The following MAP3K7 variants were observed in gnomAD, a reference collection of about 807,000 sequenced individuals.
MAP3K7 encodes mitogen-activated protein kinase kinase kinase 7.
MAP3K7 carries 21 observed loss-of-function variants against 84.8 expected under a neutral mutation model. The observed-to-expected ratio is 0.25, with a 90% CI of 0.18 to 0.36. The LOEUF (loss-of-function observed/expected upper bound fraction) is 0.36. MAP3K7 is among the 10% of genes least tolerant of loss of function. The pLI is 1.00. For synonymous variants in MAP3K7, 241 were observed against 247.7 expected, an observed-to-expected ratio of 0.97 and a Z score of 0.25; for missense variants, 503 against 747.7, an observed-to-expected ratio of 0.67 and a Z score of 3.82.
chr6:90,567,910 G>C (rs1776764738), intron 3 of MAP3K7, among the ~76,000 whole-genome samples: 1 of 152,188 alleles, frequency 6.6e-6, no homozygotes, highest in Non-Finnish European at 1.5e-5. Context: ...CATGTCCTTT[G>C]TAGGGACATG....
rs1457817469 is a variant in MAP3K7, at chr6:90,516,620, C to G, written c.1702G>C (p.Val568Leu). ...EKDQQNTSRLVQEHKKLLDEN... is the reference protein window; with the variant it reads ...EKDQQNTSRLLQEHKKLLDEN... ...TCTAAAAGCTTTTTATGTTCCTGTACCAGGCGAGATGTATTTTGCTGGTCC... is the reference window on the plus strand; with the variant it reads ...TCTAAAAGCTTTTTATGTTCCTGTAGCAGGCGAGATGTATTTTGCTGGTCC... The change falls in exon 17 of 17, where the codon GTA (valine) becomes CTA (leucine). Residue 568 changes from valine to leucine, a missense_variant. By Grantham distance (32) the Val-to-Leu change is conservative. Transcript: ENST00000369329. 6.2e-7 allele frequency: 1 copy of G among 1,611,828 alleles called. No individual in the cohort carries two copies.
At chr6:90,533,385 G>T (rs1355224776) in intron 13 of MAP3K7, among the ~76,000 whole-genome samples, 3 of 152,170 alleles carry the variant, frequency 2.0e-5, no homozygotes, top group Non-Finnish European at 4.4e-5. Context: ...GCAGCATGGG[G>T]TGTCTCAGTA....
intron 12 of MAP3K7, chr6:90,542,655 T>A (rs1267380962): frequency 6.1e-6 from 1 of 163,702 alleles, no homozygotes; most frequent in Non-Finnish European, 1.3e-5. Flanking sequence ...GAAAAACCAC[T>A]AAACATCATC....
intron 3 of MAP3K7, among the ~76,000 whole-genome samples, chr6:90,568,342 C>T (rs992000214): frequency 3.9e-5 from 6 of 152,120 alleles, no homozygotes; most frequent in Middle Eastern, 3.4e-3. Context: ...ACATATTGTG[C>T]GTGTATAATA....
Position 90,545,814 on chromosome 6 carries a change from G to C in MAP3K7, c.1211-1182C>G, listed in dbSNP as rs1775984116. On this transcript the variant is annotated intron_variant, in intron 11 of 16. Coordinates refer to ENST00000369329, the MANE Select transcript of MAP3K7 (RefSeq NM_145331.3). ...AGAGGGCAGATCTCCTCTTCCCTTG[G>C]AGCTACGTGTAGCCATTCGACCATG... 2.0e-5 allele frequency among the ~76,000 whole-genome samples: 3 copies of C among 152,104 alleles called. No homozygotes were observed. The South Asian group carries it at 6.2e-4, about 32-fold the overall frequency.
At chr6:90,542,110 G>T in intron 12 of MAP3K7, 1 of 385,382 alleles carries the variant, frequency 2.6e-6, no homozygotes, top group Non-Finnish European at 3.5e-6. Context: ...AATCCACTTA[G>T]AACAAAACAA....
chr6:90,564,043 T>A (rs1346786845), intron 3 of MAP3K7, among the ~76,000 whole-genome samples: 1 of 152,194 alleles, frequency 6.6e-6, no homozygotes, highest in Non-Finnish European at 1.5e-5. Flanking sequence ...CTACCAGGCC[T>A]GCTGAACAAG....
intron 5 of MAP3K7, among the ~76,000 whole-genome samples, chr6:90,559,789 T>C (rs894526225): frequency 3.3e-5 from 5 of 152,188 alleles, no homozygotes; most frequent in African/African-American, 1.2e-4. Context: ...CATTATATAC[T>C]GCAGGCACAA....
rs1776190821 is a variant in MAP3K7 at position 90,551,924 on chromosome 6, T to A, written c.867+125A>T. The A allele has an allele frequency of 3.0e-5, 32 of 1,059,332 alleles. No homozygotes were observed. The South Asian group carries it at 8.0e-4, about 26-fold the overall frequency. 65.6% of individuals were successfully genotyped at this position (1,059,332 alleles called of 1,614,324 possible). On this transcript the variant is annotated intron_variant, in intron 8 of 16. Transcript: ENST00000369329. ...GACTATGAGTAATAAATGCCCATTC[T>A]CACTTAGAAAACATAGCAATATATA...
At chr6:90,574,556 A>G (rs1247213510) in intron 1 of MAP3K7, among the ~76,000 whole-genome samples, 2 of 152,242 alleles carry the variant, frequency 1.3e-5, no homozygotes, top group Non-Finnish European at 2.9e-5. Context: ...CGAAATGATT[A>G]TGAAGTAATT....
intron 16 of MAP3K7, among the ~76,000 whole-genome samples, chr6:90,518,086 C>A (rs540040808): frequency 8.6e-5 from 13 of 151,614 alleles, no homozygotes; most frequent in African/African-American, 1.2e-4. Context: ...TAAACATACA[C>A]CTGGAAAAAA....
chr6:90,586,741 T>C (rs1789108484), intron 1 of MAP3K7, 23 bp downstream of exon 1: 2 of 1,561,410 alleles, frequency 1.3e-6, no homozygotes, highest in African/African-American at 2.7e-5. Context: ...GGGACCGGCG[T>C]CTCCATGCCG....
chr6:90,545,084 T>G (rs1328329839), intron 11 of MAP3K7, among the ~76,000 whole-genome samples: 1 of 152,120 alleles, frequency 6.6e-6, no homozygotes, highest in Non-Finnish European at 1.5e-5. Flanking sequence ...TGAAGTGTGC[T>G]ATAAAGTAAA....
intron 3 of MAP3K7, among the ~76,000 whole-genome samples, chr6:90,567,874 T>C: frequency 6.6e-6 from 1 of 152,218 alleles, no homozygotes; most frequent in Non-Finnish European, 1.5e-5. Flanking sequence ...CATGGAATAC[T>C]ATGCAGCCAT....
At chr6:90,543,378 ATT>A (rs1231550955) in intron 12 of MAP3K7, among the ~76,000 whole-genome samples, 1 of 152,048 alleles carries the variant, frequency 6.6e-6, no homozygotes, top group East Asian at 1.9e-4. Flanking sequence ...TATAATTCAT[ATT>A]TTTGTATGCT....
intron 16 of MAP3K7, among the ~76,000 whole-genome samples, chr6:90,517,348 A>T (rs1328912265): frequency 6.6e-6 from 1 of 151,842 alleles, no homozygotes; most frequent in Non-Finnish European, 1.5e-5. Flanking sequence ...CATTTCCTAA[A>T]GTGAGGTTAC....
chr6:90,572,593 A>T (rs536402058), intron 1 of MAP3K7, among the ~76,000 whole-genome samples: 1 of 151,882 alleles, frequency 6.6e-6, no homozygotes, highest in Non-Finnish European at 1.5e-5. Context: ...CAAAAACCTA[A>T]TTTATGGTGG....
intron 2 of MAP3K7, among the ~76,000 whole-genome samples, chr6:90,571,240 T>A (rs1331175795): frequency 6.6e-6 from 1 of 152,128 alleles, no homozygotes; most frequent in Admixed American, 6.5e-5. Flanking sequence ...CAATCTAATC[T>A]ATTTCTAAAA....
At chr6:90,586,339 T>C (rs1490410331) in intron 1 of MAP3K7, among the ~76,000 whole-genome samples, 1 of 127,116 alleles carries the variant, frequency 7.9e-6, no homozygotes, top group African/African-American at 3.1e-5. Context: ...GCCACTGCAG[T>C]CCGCAGTCCG....
Sources: allele counts gnomAD v4.1 joint callset (sites outside exome capture counted in the v4.1 genomes callset), GRCh38; gene constraint gnomAD v4.1.1; transcripts MANE v1.5; gene names NCBI Gene and HGNC (gene_info 2026-07-23, HGNC 2026-07-21).